The following DLGAP1 variants were observed in gnomAD, a reference collection of about 807,000 sequenced individuals.
DLGAP1 encodes disks large-associated protein 1.
DLGAP1 carries 11 observed loss-of-function variants against 90.8 expected under a neutral mutation model. That is an observed-to-expected ratio of 0.12 (90% CI 0.08 to 0.20). The LOEUF (loss-of-function observed/expected upper bound fraction) is 0.20. DLGAP1 is among the 10% of genes least tolerant of loss of function. The probability of loss-of-function intolerance (pLI) is 1.00; values close to 1 mark genes in which losing one functional copy is unlikely to be tolerated. For missense variants in DLGAP1, 1,050 were observed against 1,333.8 expected (o/e 0.79, Z 3.31); for synonymous variants, 558 against 540.7 (o/e 1.03, Z -0.44).
intron 9 of DLGAP1, among the ~76,000 whole-genome samples, chr18:3,543,246 C>T (rs1025065077): frequency 6.7e-6 from 1 of 148,432 alleles, no homozygotes; most frequent in Non-Finnish European, 1.5e-5. Flanking sequence ...TCTCGGCTCA[C>T]TGCAAGCTCC....
chr18:4,253,972 T>A (rs2078835258), intron 1 of DLGAP1, among the ~76,000 whole-genome samples: 1 of 152,192 alleles, frequency 6.6e-6, no homozygotes, highest in African/African-American at 2.4e-5. Flanking sequence ...AGTCCCTTAC[T>A]TTCCCCATTC....
chr18:3,960,333 G>C (rs1207308965), intron 3 of DLGAP1, among the ~76,000 whole-genome samples: 1 of 152,156 alleles, frequency 6.6e-6, no homozygotes, highest in Non-Finnish European at 1.5e-5. Flanking sequence ...TGACCCCTAA[G>C]AGAAGGAGGT....
chr18:4,358,892 T>C (rs2081577239), intron 1 of DLGAP1, among the ~76,000 whole-genome samples: 3 of 152,226 alleles, frequency 2.0e-5, no homozygotes, highest in Admixed American at 1.3e-4. Flanking sequence ...TCTGCCACAT[T>C]CTCCAAGAGC....
intron 5 of DLGAP1, among the ~76,000 whole-genome samples, chr18:3,769,704 G>C (rs564772409): frequency 6.6e-6 from 1 of 152,182 alleles, no homozygotes; most frequent in Admixed American, 6.5e-5. Context: ...GAAAGTGGTG[G>C]GGTTGGGAGG....
At chr18:3,635,280 G>A (rs185455097) in intron 7 of DLGAP1, among the ~76,000 whole-genome samples, 4,303 of 152,066 alleles carry the variant, frequency 0.028, 76 homozygotes, top group Non-Finnish European at 0.041. Flanking sequence ...ACAGGCGCCC[G>A]CCACCACGCC....
At chr18:4,007,682 C>A (rs577292935) in intron 2 of DLGAP1, among the ~76,000 whole-genome samples, 159 of 147,170 alleles carry the variant, frequency 1.1e-3, no homozygotes, top group Non-Finnish European at 2.0e-3. Context: ...AAACAAAAAA[C>A]CATTTTACTG....
chr18:3,638,072 G>A (rs7239414), intron 7 of DLGAP1, among the ~76,000 whole-genome samples: 49,328 of 149,468 alleles, frequency 0.33, 8,533 homozygotes, highest in East Asian at 0.59. Flanking sequence ...TCAGCCTCCC[G>A]GGTAGCTGGG....
intron 2 of DLGAP1, among the ~76,000 whole-genome samples, chr18:4,111,026 A>C (rs2075962243): frequency 6.6e-6 from 1 of 152,134 alleles, no homozygotes; most frequent in Admixed American, 6.5e-5. Flanking sequence ...ATCTCATCTA[A>C]AGGTTATGAT....
At chr18:3,877,517 T>C (rs1307274986) in intron 4 of DLGAP1, among the ~76,000 whole-genome samples, 1 of 152,218 alleles carries the variant, frequency 6.6e-6, no homozygotes, top group Non-Finnish European at 1.5e-5. Flanking sequence ...GCAGACAAAA[T>C]GTGTGGTACT....
At chr18:3,851,388 AGG>A (rs1043980235) in intron 4 of DLGAP1, among the ~76,000 whole-genome samples, 2 of 152,212 alleles carry the variant, frequency 1.3e-5, no homozygotes, top group African/African-American at 4.8e-5. Flanking sequence ...GAACAGAACT[AGG>A]TTTGGTTCTG....
chr18:3,597,626 C>G (rs1192109295), intron 7 of DLGAP1: 10 of 229,012 alleles, frequency 4.4e-5, no homozygotes, highest in Non-Finnish European at 6.0e-5. Context: ...TGACCCTCCC[C>G]CAAAGCAGCC....
intron 1 of DLGAP1, among the ~76,000 whole-genome samples, chr18:4,235,719 C>CTTTTTTTTTTTTTTT (rs1175101805): frequency 2.5e-5 from 2 of 80,252 alleles, no homozygotes; most frequent in African/African-American, 5.0e-5. Flanking sequence ...ATTTCAATGT[C>CTTTTTTTTTTTTTTT]TTTTTTTTTT....
chr18:3,791,216 C>T (rs1222771316), intron 5 of DLGAP1, among the ~76,000 whole-genome samples: 6 of 152,166 alleles, frequency 3.9e-5, no homozygotes, highest in African/African-American at 1.2e-4. Flanking sequence ...TGTAATAATA[C>T]ACTTGACAAG....
At chr18:3,747,122 T>C (rs4798125) in intron 5 of DLGAP1, among the ~76,000 whole-genome samples, 37,605 of 151,924 alleles carry the variant, frequency 0.25, 6,781 homozygotes, top group African/African-American at 0.51. Context: ...CTTTGGGAGG[T>C]CTACGTGGAA....
intron 1 of DLGAP1, among the ~76,000 whole-genome samples, chr18:4,353,425 A>C (rs980011761): frequency 3.9e-5 from 6 of 152,166 alleles, no homozygotes; most frequent in African/African-American, 1.4e-4. Flanking sequence ...TTCTGAGCAA[A>C]CAACCAAAAG....
chr18:4,145,363 TAGTAAG>T (rs771774356), intron 2 of DLGAP1, among the ~76,000 whole-genome samples: 2 of 152,210 alleles, frequency 1.3e-5, no homozygotes, highest in Non-Finnish European at 2.9e-5. Flanking sequence ...AATAGTGAAA[TAGTAAG>T]ATTTATCTCA....
Position 3,707,778 on chromosome 18 carries a change from T to C in DLGAP1, c.1591+21357A>G, listed in dbSNP as rs538003837. ...GAAGGCAAGGATTATGTCTGCCTGA[T>C]TGAAAGGGGCTTCTTGGAGCTCTTT... On this transcript the variant is annotated intron_variant, in intron 7 of 12. Transcript: ENST00000315677. 4.7e-4 allele frequency among the ~76,000 whole-genome samples: 72 copies of C among 152,256 alleles called. No individual in the cohort carries two copies. In the South Asian group the frequency reaches 0.015, roughly 32 times the overall value.
intron 3 of DLGAP1, among the ~76,000 whole-genome samples, chr18:3,994,040 AC>A (rs1331982197): frequency 6.6e-6 from 1 of 151,824 alleles, no homozygotes; most frequent in Admixed American, 6.6e-5. Flanking sequence ...AACCACAGAG[AC>A]CCCCTTGAAG....
chr18:4,285,434 G>T (rs1169918916), intron 1 of DLGAP1, among the ~76,000 whole-genome samples: 2 of 152,122 alleles, frequency 1.3e-5, no homozygotes, highest in African/African-American at 2.4e-5. Flanking sequence ...GCAAGGAAAA[G>T]AAAATTTACC....
Sources: allele counts gnomAD v4.1 joint callset (sites outside exome capture counted in the v4.1 genomes callset), GRCh38; gene constraint gnomAD v4.1.1; transcripts MANE v1.5; gene names NCBI Gene and HGNC (gene_info 2026-07-23, HGNC 2026-07-21).